NSUN4: variants seen among roughly 807,000 people sequenced by gnomAD.
The protein encoded by NSUN4 is NOP2/Sun RNA methyltransferase 4.
A neutral mutation model predicts 43.8 loss-of-function variants in NSUN4; 31 were observed. That is an observed-to-expected ratio of 0.71 (90% CI 0.53 to 0.96). The LOEUF (loss-of-function observed/expected upper bound fraction) is 0.96, where lower values mean the gene tolerates loss of function less well. NSUN4 is among the 40% of genes least tolerant of loss of function. The pLI is 0.00. For missense variants in NSUN4, 439 were observed against 475.6 expected, an observed-to-expected ratio of 0.92 and a Z score of 0.72; for synonymous variants, 167 against 184.1, an observed-to-expected ratio of 0.91 and a Z score of 0.75.
At chr1:46,358,400 T>A in intron 4 of NSUN4, among the ~76,000 whole-genome samples, 1 of 39,274 alleles carries the variant, frequency 2.5e-5, no homozygotes, top group East Asian at 4.8e-3. Context: ...CTGGCCTAAT[T>A]TTTTTTTTTT....
At chr1:46,350,726 A>G (rs537354558) in intron 3 of NSUN4, among the ~76,000 whole-genome samples, 5 of 143,288 alleles carry the variant, frequency 3.5e-5, no homozygotes, top group Non-Finnish European at 6.4e-5. Flanking sequence ...AAGCTGAGAT[A>G]TAGGCACTCC....
intron 5 of NSUN4, 91 bp from the exon 6 acceptor site, chr1:46,361,479 C>A: frequency 8.4e-7 from 1 of 1,192,620 alleles, no homozygotes; most frequent in Non-Finnish European, 1.2e-6. Context: ...CCTGTAGTAG[C>A]CTTCCCTTAT....
At chr1:46,370,685 C>T in the NSUN4 span, 1 of 151,808 alleles carries the variant, frequency 6.6e-6, no homozygotes, top group Non-Finnish European at 1.5e-5. Flanking sequence ...ACTAGTATGC[C>T]ACATAAAAAG....
the NSUN4 span, among the ~76,000 whole-genome samples, chr1:46,384,405 T>A: frequency 6.6e-6 from 1 of 152,184 alleles, no homozygotes; most frequent in Non-Finnish European, 1.5e-5. Context: ...AGTGCTGTTT[T>A]TATGAGCCTC....
Position 46,360,767 on chromosome 1 carries a change from T to G in NSUN4, c.817T>G (p.Phe273Val), listed in dbSNP as rs765699932. Residue 273 changes from phenylalanine to valine, a missense_variant, in exon 5 of 6, where the codon TTT (phenylalanine) becomes GTT (valine). Coordinates refer to ENST00000474844, the MANE Select transcript of NSUN4 (RefSeq NM_199044.4). Reference sequence around the variant, plus strand: ...CCTTCATGAGGAGGAGAACAACATCTTTAAGCGGTCAAGGAAGAAGGAGCG... The same window carrying G: ...CCTTCATGAGGAGGAGAACAACATCGTTAAGCGGTCAAGGAAGAAGGAGCG... Reference protein sequence around the residue: ...HSLHEEENNIFKRSRKKERQI... With the variant: ...HSLHEEENNIVKRSRKKERQI... 1.2e-6 allele frequency: 2 copies of G among 1,614,008 alleles called. No individual in the cohort carries two copies. The highest frequency in any genetic ancestry group is 1.7e-6 in the Non-Finnish European group (2 of 1,179,906).
At chr1:46,380,509 T>G in the NSUN4 span, among the ~76,000 whole-genome samples, 1 of 152,214 alleles carries the variant, frequency 6.6e-6, no homozygotes, top group South Asian at 2.1e-4. Flanking sequence ...TCCTCCATAC[T>G]GCCTTCTCAA....
At chr1:46,350,793 G>A (rs1475388) in intron 3 of NSUN4, among the ~76,000 whole-genome samples, 34,122 of 152,100 alleles carry the variant, frequency 0.22, 4,297 homozygotes, top group Non-Finnish European at 0.29. Flanking sequence ...CTTTTGCAAC[G>A]TATTTTGTTG....
Position 46,352,224 on chromosome 1 carries a change from G to A in NSUN4, c.593-644G>A, listed in dbSNP as rs181697412. Among the ~76,000 whole-genome samples, 213 of 151,506 alleles carry A rather than the reference G, an allele frequency of 1.4e-3. 2 individuals carry two copies. The East Asian group carries it at 0.039, about 27-fold the overall frequency. On this transcript the variant is annotated intron_variant, in intron 3 of 5. Transcript: ENST00000474844. The stretch of plus-strand genomic sequence containing the variant: ...CTAGCACTTTGGGAGGCCAAGGCAG[G>A]CGGGATCACCTGAGGTCAGGAGTTC...
chr1:46,361,744 A>G lies in NSUN4; in HGVS notation c.1053A>G (p.Thr351=), dbSNP rs566394939. 156 of 1,614,212 alleles carry G rather than the reference A, an allele frequency of 9.7e-5. 1 individual carries two copies. The South Asian group carries it at 1.4e-3, about 15-fold the overall frequency. ...LTHFRRVFMD[T]FCFFSSCQVG... ...ACTTCCGAAGGGTTTTCATGGACAC[A>G]TTTTGTTTCTTCTCATCCTGTCAGG... Residue 351 remains threonine (T), a synonymous_variant, in exon 6 of 6, where the codon ACA becomes ACG. Coordinates refer to ENST00000474844, the MANE Select transcript of NSUN4 (RefSeq NM_199044.4).
chr1:46,343,639 G>A, intron 1 of NSUN4: 2 of 400,086 alleles, frequency 5.0e-6, no homozygotes, highest in Non-Finnish European at 8.8e-6. Context: ...AGAAGTCCAA[G>A]TCAGAAAAGC....
At chr1:46,381,118 C>T in the NSUN4 span, among the ~76,000 whole-genome samples, 1 of 152,152 alleles carries the variant, frequency 6.6e-6, no homozygotes. Flanking sequence ...ATCTTGCTTC[C>T]CCCAAAGACT....
chr1:46,381,861 T>G, the NSUN4 span, among the ~76,000 whole-genome samples: 1 of 152,138 alleles, frequency 6.6e-6, no homozygotes, highest in African/African-American at 2.4e-5. Context: ...GTCAGCTCCC[T>G]TTTTCTAGGG....
intron 4 of NSUN4, among the ~76,000 whole-genome samples, chr1:46,358,625 C>T (rs889407555): frequency 6.6e-6 from 1 of 151,848 alleles, no homozygotes; most frequent in African/African-American, 2.4e-5. Flanking sequence ...TGGTCTCGAT[C>T]TCTTGACCTT....
chr1:46,341,906 C>G (rs533967151), intron 1 of NSUN4: 11 of 1,232,838 alleles, frequency 8.9e-6, no homozygotes, highest in Non-Finnish European at 1.0e-5. Context: ...GTTACTCTAG[C>G]GGATGGCCTT....
the NSUN4 span, among the ~76,000 whole-genome samples, chr1:46,377,011 G>A: frequency 2.6e-5 from 4 of 151,388 alleles, no homozygotes; most frequent in South Asian, 6.3e-4. Flanking sequence ...ACCCACCTCA[G>A]CCTCCCAAAG....
At chr1:46,375,607 T>C in the NSUN4 span, among the ~76,000 whole-genome samples, 1 of 151,406 alleles carries the variant, frequency 6.6e-6, no homozygotes, top group Non-Finnish European at 1.5e-5. Flanking sequence ...CGTGATGGTA[T>C]GCACCTGTAG....
At chr1:46,374,672 T>TAA in the NSUN4 span, among the ~76,000 whole-genome samples, 1 of 152,148 alleles carries the variant, frequency 6.6e-6, no homozygotes, top group Non-Finnish European at 1.5e-5. Context: ...GGTGACTAGT[T>TAA]AATGACAATA....
intron 3 of NSUN4, 64 bp downstream of exon 3, chr1:46,347,139 T>C: frequency 6.5e-7 from 1 of 1,537,356 alleles, no homozygotes; most frequent in Non-Finnish European, 8.8e-7. Flanking sequence ...CCCAGGTACA[T>C]TTAATATGGT....
At chr1:46,343,798 T>C in intron 1 of NSUN4, 1 of 399,540 alleles carries the variant, frequency 2.5e-6, no homozygotes, top group Non-Finnish European at 4.4e-6. Context: ...AGCAAGAGTC[T>C]ATGATGGCAA....
Sources: allele counts gnomAD v4.1 joint callset (sites outside exome capture counted in the v4.1 genomes callset), GRCh38; gene constraint gnomAD v4.1.1; transcripts MANE v1.5; gene names NCBI Gene and HGNC (gene_info 2026-07-23, HGNC 2026-07-21).